Variants in DOCK11 observed in about 807,000 individuals in gnomAD.
DOCK11 encodes the protein dedicator of cytokinesis protein 11.
Under a neutral mutation model 169.1 loss-of-function variants are expected in DOCK11, and 70 were observed. That is an observed-to-expected ratio of 0.41 (90% CI 0.34 to 0.51). DOCK11 has a LOEUF of 0.51. Among genes scored for constraint, DOCK11 ranks in the 20% least tolerant of loss-of-function variants. The pLI is 0.10. For synonymous variants in DOCK11, 529 were observed against 541.3 expected, an observed-to-expected ratio of 0.98 and a Z score of 0.32; for missense variants, 1,166 against 1,538.8, an observed-to-expected ratio of 0.76 and a Z score of 4.05.
chrX:118,600,381 C>T (rs1232569236), intron 23 of DOCK11, among the ~76,000 whole-genome samples: 3 of 97,804 alleles, frequency 3.1e-5, no homozygotes, highest in Non-Finnish European at 4.1e-5. Flanking sequence ...TGGGTGACAG[C>T]GAGATTCTGG....
At chrX:118,654,868 TGTTCTGACA>T (rs2016027725) in intron 43 of DOCK11, 27 bp from the exon 44 acceptor site, 1 of 1,206,543 alleles carries the variant, frequency 8.3e-7, no homozygotes, top group African/African-American at 1.7e-5. Flanking sequence ...ACCTTGAGCA[TGTTCTGACA>T]GTTCTTTCTC....
Position 118,639,482 on chromosome X carries a change from C to T in DOCK11, c.4049C>T (p.Ser1350Leu). The T allele has an allele frequency of 8.3e-7, 1 of 1,211,113 alleles. No individual in the cohort carries two copies. The highest frequency in any genetic ancestry group is 1.1e-6 in the Non-Finnish European group (1 of 895,118). Residue 1350 changes from serine to leucine, a missense_variant, in exon 38 of 53, where the codon TCG becomes TTG. Physicochemically the swap from Ser to Leu is moderately radical, Grantham distance 145. Coordinates refer to ENST00000276202, the MANE Select transcript of DOCK11 (RefSeq NM_144658.4). ...LSKHFGIDRK[S>L]QTMPALRNRS... ...AAACACTTCGGAATAGACCGAAAATCGCAAACCATGCCTGCTCTTCGAAAC... is the reference window on the plus strand; with the variant it reads ...AAACACTTCGGAATAGACCGAAAATTGCAAACCATGCCTGCTCTTCGAAAC...
At chrX:118,587,027 A>G (rs1305441590) in intron 16 of DOCK11, among the ~76,000 whole-genome samples, 1 of 112,492 alleles carries the variant, frequency 8.9e-6, no homozygotes, top group Non-Finnish European at 1.9e-5. Context: ...TAAAGAAGCA[A>G]TTTGAAATCT....
intron 35 of DOCK11, chrX:118,634,081 A>C (rs1270639983): frequency 8.9e-6 from 1 of 112,011 alleles, no homozygotes; most frequent in Non-Finnish European, 1.9e-5. Flanking sequence ...TCAACTCTTT[A>C]ATTTTGGCTG....
intron 6 of DOCK11, 94 bp downstream of exon 6, chrX:118,546,210 C>CAAAAAAAAAAAAAAAAAAAAAAAA (rs1556269491): frequency 6.5e-5 from 3 of 45,861 alleles, no homozygotes; most frequent in African/African-American, 2.7e-4. Flanking sequence ...AGAGCCCTAG[C>CAAAAAAAAAAAAAAAAAAAAAAAA]AAAAAAAAAA....
intron 30 of DOCK11, chrX:118,616,144 A>C: frequency 1.3e-6 from 1 of 741,490 alleles, no homozygotes; most frequent in Non-Finnish European, 1.8e-6. Flanking sequence ...GTTGTATAGC[A>C]CTATTCTTAT....
At chrX:118,676,144 T>G in intron 47 of DOCK11, 95 bp downstream of exon 47, 1 of 551,492 alleles carries the variant, frequency 1.8e-6, no homozygotes, top group Non-Finnish European at 2.9e-6. Flanking sequence ...CCAGATAGAG[T>G]GCCTATTACA....
intron 23 of DOCK11, among the ~76,000 whole-genome samples, chrX:118,600,412 A>C (rs2014298777): frequency 1.1e-5 from 1 of 95,094 alleles, no homozygotes; most frequent in East Asian, 3.6e-4. Flanking sequence ...TTTTTTTTAA[A>C]AAAAAAAAAA....
Position 118,628,182 on chromosome X carries a change from T to C in DOCK11, c.3684T>C (p.Asn1228=), listed in dbSNP as rs1330574528. Reference sequence around the variant, plus strand: ...CCCCAGCTTATGGGTCTTTTCAAAATGGACATGGAATTAAGAGAGAAGATT... The same window carrying C: ...CCCCAGCTTATGGGTCTTTTCAAAACGGACATGGAATTAAGAGAGAAGATT... ...DKDTAYGSFQ[N]GHGIKREDSR... The change falls in exon 34 of 53, where the codon AAT becomes AAC. Residue 1228 remains asparagine (N), a synonymous_variant. Transcript: ENST00000276202. The C allele has an allele frequency of 2.5e-6, 3 of 1,199,571 alleles. No individual in the cohort carries two copies. Among genetic ancestry groups the C allele is most frequent in the South Asian group, 1.8e-5 (1 of 54,978 alleles).
intron 1 of DOCK11, among the ~76,000 whole-genome samples, chrX:118,534,554 G>A (rs2011685286): frequency 8.9e-6 from 1 of 111,955 alleles, no homozygotes; most frequent in Non-Finnish European, 1.9e-5. Flanking sequence ...TTTCCTTAAT[G>A]TTTCTATGTT....
intron 16 of DOCK11, among the ~76,000 whole-genome samples, chrX:118,587,383 A>G (rs1044271353): frequency 9.0e-6 from 1 of 111,686 alleles, no homozygotes; most frequent in African/African-American, 3.3e-5. Context: ...TTCACTGTCT[A>G]CCTCCAGATG....
At chrX:118,662,897 G>C (rs768356153) in intron 45 of DOCK11, 105 bp downstream of exon 45, 1 of 527,233 alleles carries the variant, frequency 1.9e-6, no homozygotes. Flanking sequence ...AGGTAACTAA[G>C]GGTTAATGAA....
At chrX:118,546,404 G>A (rs2012284854) in intron 6 of DOCK11, among the ~76,000 whole-genome samples, 1 of 111,093 alleles carries the variant, frequency 9.0e-6, no homozygotes, top group Admixed American at 9.6e-5. Context: ...GGGCATCAAA[G>A]TTTCATATGT....
intron 6 of DOCK11, among the ~76,000 whole-genome samples, chrX:118,560,605 T>G (rs972491709): frequency 8.9e-6 from 1 of 111,898 alleles, no homozygotes; most frequent in Non-Finnish European, 1.9e-5. Flanking sequence ...CATCAATTCA[T>G]CAGAGAGCTC....
intron 1 of DOCK11, among the ~76,000 whole-genome samples, chrX:118,517,521 G>A (rs192668008): frequency 0.012 from 1,382 of 110,774 alleles, 19 homozygotes; most frequent in African/African-American, 0.043. Flanking sequence ...ATAAACAGAA[G>A]ATGTAGAGTT....
In DOCK11 at chrX:118,605,298, C is replaced by T; in HGVS notation, c.2623C>T (p.Leu875Phe). ...IQFLPVILMQ[L>F]FRVLTNMTHE... ...GTTTCTACCTGTAATTCTTATGCAA[C>T]TCTTCCGAGTTCTCACAAATATGAC... The change falls in exon 24 of 53, where the codon CTC becomes TTC. Residue 875 changes from leucine to phenylalanine, a missense_variant. Leu to Phe is a conservative substitution (Grantham distance 22). Coordinates refer to ENST00000276202, the MANE Select transcript of DOCK11 (RefSeq NM_144658.4). The T allele has an allele frequency of 1.7e-6, 2 of 1,203,210 alleles. No homozygotes were observed. The highest frequency in any genetic ancestry group is 1.1e-6 in the Non-Finnish European group (1 of 892,444).
chrX:118,549,126 G>GTGTGTGTGTGTGTGTGTGTGTGTGTGTT (rs1569413537), intron 6 of DOCK11, among the ~76,000 whole-genome samples: 4 of 105,527 alleles, frequency 3.8e-5, no homozygotes, highest in African/African-American at 1.5e-4. Flanking sequence ...GTGTGTGTGT[G>GTGTGTGTGTGTGTGTGTGTGTGTGTGTT]TGTGATCATT....
chrX:118,569,487 T>A (rs2013206863), intron 10 of DOCK11: 1 of 111,478 alleles, frequency 9.0e-6, no homozygotes, highest in Admixed American at 9.6e-5. Flanking sequence ...AACAATCAAT[T>A]GAGATAACTC....
At chrX:118,653,174 A>G (rs979311416) in intron 42 of DOCK11, among the ~76,000 whole-genome samples, 3 of 111,841 alleles carry the variant, frequency 2.7e-5, no homozygotes, top group Non-Finnish European at 5.6e-5. Context: ...TTTTCTAGGT[A>G]AATGGGGCTT....
Sources: allele counts gnomAD v4.1 joint callset (sites outside exome capture counted in the v4.1 genomes callset), GRCh38; gene constraint gnomAD v4.1.1; transcripts MANE v1.5; gene names NCBI Gene and HGNC (gene_info 2026-07-23, HGNC 2026-07-21).